Variants in RMND5A observed in about 807,000 individuals in gnomAD.
RMND5A encodes required for meiotic nuclear division 5 homolog A, also known as E3 ubiquitin-protein transferase RMND5A.
In RMND5A, 17 loss-of-function variants were observed where a neutral mutation model predicts 49.7. The observed-to-expected ratio is 0.34, with a 90% CI of 0.23 to 0.51. RMND5A has a LOEUF of 0.51. Ranked by LOEUF, RMND5A falls within the 20% of genes least tolerant of loss-of-function variation. The pLI, the probability that RMND5A is intolerant of heterozygous loss-of-function variation, is 0.96. For synonymous variants in RMND5A, 156 were observed against 167.7 expected (o/e 0.93, Z 0.54); for missense variants, 255 against 471.3 (o/e 0.54, Z 4.25).
At position 86,777,246 on chromosome 2, in the gene RMND5A, G is replaced by A. The variant is rs1031218055; in HGVS notation, c.*3835G>A. The A allele has an allele frequency of 2.6e-5, 4 of 152,204 alleles. No homozygotes were observed. The highest frequency in any genetic ancestry group is 9.7e-5 in the African/African-American group (4 of 41,444). The allele number at this position is 152,204 out of a possible 1,614,324, so 9.4% of individuals were successfully genotyped here. On this transcript the variant is annotated 3_prime_UTR_variant, in exon 9 of 9. Transcript: ENST00000283632. ...GCTTACAGCACATGCTTTGTTTCAT[G>A]TTATGGGTGAGGACCTACATACACT...
chr2:86,772,563 T>G (rs1672701378), intron 8 of RMND5A, among the ~76,000 whole-genome samples: 1 of 151,626 alleles, frequency 6.6e-6, no homozygotes, highest in South Asian at 2.1e-4. Context: ...TCAAAGGATA[T>G]ATGCATTTGT....
intron 2 of RMND5A, among the ~76,000 whole-genome samples, chr2:86,747,088 G>A (rs895592025): frequency 3.9e-5 from 6 of 152,142 alleles, no homozygotes; most frequent in African/African-American, 1.2e-4. Context: ...ACTAGGTATT[G>A]TAAAATTTTC....
At chr2:86,749,840 G>A (rs888784598) in intron 2 of RMND5A, among the ~76,000 whole-genome samples, 4 of 152,144 alleles carry the variant, frequency 2.6e-5, no homozygotes, top group African/African-American at 9.7e-5. Flanking sequence ...TTCAGTTTTA[G>A]GCTACTGTTT....
At chr2:86,721,008 A>G (rs1044806848) in intron 1 of RMND5A, 199 bp downstream of exon 1, 4 of 485,058 alleles carry the variant, frequency 8.2e-6, no homozygotes, top group African/African-American at 6.3e-5. Flanking sequence ...CCTCGCTGCC[A>G]ATTCAGAAGG....
intron 6 of RMND5A, among the ~76,000 whole-genome samples, chr2:86,766,242 T>G (rs1334459611): frequency 6.6e-6 from 1 of 152,158 alleles, no homozygotes; most frequent in Admixed American, 6.5e-5. Context: ...CTGAGAGCCT[T>G]TTCCACTGTA....
intron 4 of RMND5A, among the ~76,000 whole-genome samples, chr2:86,763,138 G>A (rs1558725706): frequency 6.6e-6 from 1 of 151,892 alleles, no homozygotes; most frequent in Non-Finnish European, 1.5e-5. Context: ...TTTGTGAATT[G>A]TCTATTTATG....
chr2:86,763,224 T>G (rs578046819), intron 4 of RMND5A, among the ~76,000 whole-genome samples: 25 of 152,276 alleles, frequency 1.6e-4, no homozygotes, highest in African/African-American at 5.1e-4. Context: ...TCTTTGACTT[T>G]ACAAGCCCTT....
At chr2:86,750,509 C>T (rs1180309687) in intron 2 of RMND5A, among the ~76,000 whole-genome samples, 2 of 152,024 alleles carry the variant, frequency 1.3e-5, no homozygotes, top group African/African-American at 4.8e-5. Context: ...TAACATGTCA[C>T]TTTTCTCTGG....
At chr2:86,762,917 A>G (rs914199348) in intron 4 of RMND5A, among the ~76,000 whole-genome samples, 11 of 150,324 alleles carry the variant, frequency 7.3e-5, no homozygotes, top group African/African-American at 2.7e-4. Flanking sequence ...GCGTGCACCT[A>G]TGGTGCCAGC....
At chr2:86,768,348 T>C (rs1672634441) in intron 6 of RMND5A, among the ~76,000 whole-genome samples, 1 of 152,192 alleles carries the variant, frequency 6.6e-6, no homozygotes. Context: ...GTGTTGGATA[T>C]GAAGATGAAT....
chr2:86,741,519 G>A (rs1315446507), intron 2 of RMND5A, among the ~76,000 whole-genome samples: 66 of 102,288 alleles, frequency 6.5e-4, no homozygotes, highest in Non-Finnish European at 9.5e-4. Flanking sequence ...TCCTATGGGC[G>A]TCCCAGCTAC....
chr2:86,743,492 C>G (rs1420645326), intron 2 of RMND5A, among the ~76,000 whole-genome samples: 2 of 76,528 alleles, frequency 2.6e-5, no homozygotes, highest in East Asian at 1.1e-3. Flanking sequence ...GAGAAGGACT[C>G]TCACTCTTTT....
intron 4 of RMND5A, among the ~76,000 whole-genome samples, chr2:86,755,610 T>C (rs1681720622): frequency 1.3e-5 from 2 of 152,374 alleles, no homozygotes; most frequent in South Asian, 4.1e-4. Context: ...CACTGGCACA[T>C]AGTATTTGCT....
chr2:86,773,196 T>C (rs757799683), intron 8 of RMND5A, 152 bp from the exon 9 acceptor site: 61 of 439,364 alleles, frequency 1.4e-4, no homozygotes, highest in Non-Finnish European at 2.3e-4. Flanking sequence ...AGGGAAAGCA[T>C]AGTTCATCCT....
At chr2:86,736,494 A>C (rs1279459872) in intron 1 of RMND5A, among the ~76,000 whole-genome samples, 1 of 85,138 alleles carries the variant, frequency 1.2e-5, no homozygotes, top group Non-Finnish European at 2.7e-5. Flanking sequence ...CATTTGAATT[A>C]GTTTTTATAT....
intron 6 of RMND5A, among the ~76,000 whole-genome samples, chr2:86,766,678 AAAAAG>A (rs1250899602): frequency 3.3e-5 from 5 of 151,164 alleles, no homozygotes; most frequent in East Asian, 1.9e-4. Flanking sequence ...AAAAAAAAAA[AAAAAG>A]AAAAGAAAAA....
rs1337982378 is a variant in RMND5A, at chr2:86,720,601, G to C, written c.-67G>C. On this transcript the variant is annotated 5_prime_UTR_variant, in exon 1 of 9. Transcript: ENST00000283632. The stretch of plus-strand genomic sequence containing the variant: ...GGAACGAGGAGCAGGACGCGGCCTC[G>C]GTGGGGCCCGGGCCGAACGGCTGCG... The C allele has an allele frequency of 3.7e-6, 5 of 1,344,676 alleles. No individual in the cohort carries two copies. Among genetic ancestry groups the C allele is most frequent in the Non-Finnish European group, 3.9e-6 (4 of 1,038,756 alleles). The allele number at this position is 1,344,676 out of a possible 1,614,324, so 83.3% of individuals were successfully genotyped here. A position where few individuals can be genotyped will look rare whatever the true frequency, so the allele number is the denominator to read the frequency against.
intron 2 of RMND5A, among the ~76,000 whole-genome samples, chr2:86,744,510 G>A (rs1357049619): frequency 6.6e-6 from 1 of 152,188 alleles, no homozygotes; most frequent in Non-Finnish European, 1.5e-5. Context: ...GAAGCCAGTG[G>A]CTCCTGTATG....
At chr2:86,771,361 T>C in intron 7 of RMND5A, 197 bp from the exon 8 acceptor site, 3 of 480,584 alleles carry the variant, frequency 6.2e-6, no homozygotes, top group Non-Finnish European at 1.1e-5. Context: ...GTCAGCTTTC[T>C]TGAAAATAAT....
Sources: gnomAD v4.1 joint callset for allele counts (sites outside exome capture counted in the v4.1 genomes callset) on GRCh38, gnomAD v4.1.1 for gene constraint, MANE v1.5 for transcripts, NCBI Gene and HGNC (gene_info 2026-07-23, HGNC 2026-07-21) for gene names.